The following PCDH15 variants were observed in gnomAD, a reference collection of about 807,000 sequenced individuals.
The protein encoded by PCDH15 is protocadherin related 15.
PCDH15 carries 129 observed loss-of-function variants against 178.5 expected under a neutral mutation model. That is an observed-to-expected ratio of 0.72 (90% CI 0.63 to 0.84). The LOEUF (loss-of-function observed/expected upper bound fraction) is 0.84. Ranked by LOEUF, PCDH15 falls within the 40% of genes least tolerant of loss-of-function variation. The probability of loss-of-function intolerance (pLI) is 0.00; values close to 1 mark genes in which losing one functional copy is unlikely to be tolerated. For synonymous variants in PCDH15, 800 were observed against 732.0 expected (o/e 1.09, Z -1.50); for missense variants, 2,230 against 2,099.9 (o/e 1.06, Z -1.21).
rs114076646 is a variant in PCDH15, at chr10:54,591,187, T to C, written c.92-63310A>G. 9.6e-3 allele frequency among the ~76,000 whole-genome samples: 1,459 copies of C among 152,190 alleles called. 29 individuals are homozygous for C. The East Asian group carries it at 0.096, about 10-fold the overall frequency. On this transcript the variant is annotated intron_variant, in intron 2 of 37. Coordinates refer to ENST00000644397, the MANE Select transcript of PCDH15 (RefSeq NM_001384140.1). Reference sequence around the variant, plus strand: ...GTCCATTACCTAATTCCAAGAGCCTTGGAATATGTTACCTTACCTGGTAAA... The same window carrying C: ...GTCCATTACCTAATTCCAAGAGCCTCGGAATATGTTACCTTACCTGGTAAA...
At chr10:55,294,751 T>C (rs912283125) in intron 1 of PCDH15, among the ~76,000 whole-genome samples, 1 of 152,178 alleles carries the variant, frequency 6.6e-6, no homozygotes, top group Non-Finnish European at 1.5e-5. Context: ...AACTCAGGAA[T>C]TGCTCACTCT....
At chr10:53,817,752 G>A (rs1271954373) in intron 34 of PCDH15, among the ~76,000 whole-genome samples, 4 of 151,858 alleles carry the variant, frequency 2.6e-5, no homozygotes, top group Non-Finnish European at 5.9e-5. Context: ...TAGTAATGCA[G>A]AACAAAATAC....
chr10:54,867,690 G>A (rs187717057), intron 3 of PCDH15, among the ~76,000 whole-genome samples: 17 of 151,890 alleles, frequency 1.1e-4, no homozygotes, highest in Non-Finnish European at 7.4e-5. Flanking sequence ...TTACAATATT[G>A]CAATTAATTC....
intron 25 of PCDH15, among the ~76,000 whole-genome samples, chr10:53,912,094 C>T (rs2083142436): frequency 6.6e-6 from 1 of 152,114 alleles, no homozygotes; most frequent in Non-Finnish European, 1.5e-5. Flanking sequence ...AAAGCTTATC[C>T]ACCACGATCA....
At chr10:55,224,189 G>GA (rs1243018361) in intron 1 of PCDH15, among the ~76,000 whole-genome samples, 1 of 152,022 alleles carries the variant, frequency 6.6e-6, no homozygotes, top group Admixed American at 6.6e-5. Context: ...AACAGAGTGA[G>GA]AGCTTGTCTC....
chr10:54,665,477 T>A (rs1467953037), intron 1 of PCDH15, among the ~76,000 whole-genome samples: 1 of 152,102 alleles, frequency 6.6e-6, no homozygotes, highest in Non-Finnish European at 1.5e-5. Context: ...ATAAGGTTTA[T>A]CAGAGGGTAC....
chr10:54,897,989 T>C (rs190582190), intron 2 of PCDH15, among the ~76,000 whole-genome samples: 14 of 152,324 alleles, frequency 9.2e-5, no homozygotes, highest in African/African-American at 3.4e-4. Context: ...AAATCTCATG[T>C]TGAGACGTAA....
At chr10:54,730,294 A>G (rs576132258) in intron 1 of PCDH15, among the ~76,000 whole-genome samples, 200 of 151,822 alleles carry the variant, frequency 1.3e-3, no homozygotes, top group African/African-American at 4.7e-3. Context: ...AAATTAATGC[A>G]GAAACAGAAA....
intron 1 of PCDH15, among the ~76,000 whole-genome samples, chr10:54,683,522 T>C (rs184579795): frequency 3.1e-4 from 47 of 152,256 alleles, no homozygotes; most frequent in African/African-American, 1.1e-3. Flanking sequence ...CTACAATTAT[T>C]GAGCATCACC....
In PCDH15 at chr10:55,346,915, G is replaced by A. The variant is rs78049964; in HGVS notation, c.-155-180264C>T. 5.3e-3 allele frequency among the ~76,000 whole-genome samples: 809 copies of A among 151,826 alleles called. 7 individuals are homozygous for A. Among genetic ancestry groups the A allele is most frequent in the African/African-American group, 0.017 (719 of 41,420 alleles). ...AGTACAGGTTACTATAAATTAGGAGGGTAAAAAGATTAAAGTGAGTTGGGC... is the reference window on the plus strand; with the variant it reads ...AGTACAGGTTACTATAAATTAGGAGAGTAAAAAGATTAAAGTGAGTTGGGC... On this transcript the variant is annotated intron_variant, in intron 2 of 5. Transcript: ENST00000613346.
At chr10:54,083,233 T>C (rs780452755) in intron 16 of PCDH15, among the ~76,000 whole-genome samples, 1 of 152,226 alleles carries the variant, frequency 6.6e-6, no homozygotes, top group Non-Finnish European at 1.5e-5. Flanking sequence ...GTTCCTCAAA[T>C]GGTTAAAAAC....
intron 5 of PCDH15, among the ~76,000 whole-genome samples, chr10:54,360,711 AT>A (rs1945885636): frequency 6.6e-6 from 1 of 152,116 alleles, no homozygotes; most frequent in East Asian, 1.9e-4. Context: ...TCATCATCCT[AT>A]CATTCTATTC....
chr10:55,121,793 T>A (rs973604114), intron 2 of PCDH15, among the ~76,000 whole-genome samples: 7 of 151,930 alleles, frequency 4.6e-5, no homozygotes, highest in Non-Finnish European at 1.0e-4. Context: ...ACAACTTTCA[T>A]CCCCTCCAGA....
chr10:55,280,673 T>C (rs901870838), intron 1 of PCDH15, among the ~76,000 whole-genome samples: 1 of 152,088 alleles, frequency 6.6e-6, no homozygotes, highest in Non-Finnish European at 1.5e-5. Context: ...ATGATGATGT[T>C]CTATTTTTAC....
intron 9 of PCDH15, among the ~76,000 whole-genome samples, chr10:54,226,436 A>G (rs1463721744): frequency 6.6e-6 from 1 of 152,172 alleles, no homozygotes; most frequent in East Asian, 1.9e-4. Flanking sequence ...ATGGTGGCTC[A>G]TGCCTATAAT....
At chr10:54,393,141 A>G (rs540537172) in intron 3 of PCDH15, among the ~76,000 whole-genome samples, 1 of 152,292 alleles carries the variant, frequency 6.6e-6, no homozygotes, top group East Asian at 1.9e-4. Flanking sequence ...TATTAATAAA[A>G]TCAGCCTTAC....
At chr10:54,327,111 A>T (rs563866123) in intron 7 of PCDH15, among the ~76,000 whole-genome samples, 29 of 152,110 alleles carry the variant, frequency 1.9e-4, no homozygotes, top group African/African-American at 6.7e-4. Flanking sequence ...ATGTCTTTAT[A>T]AATATTTTAA....
chr10:55,349,572 A>T (rs944691752), intron 2 of PCDH15, among the ~76,000 whole-genome samples: 1 of 152,146 alleles, frequency 6.6e-6, no homozygotes, highest in African/African-American at 2.4e-5. Context: ...TTCTCACAGC[A>T]CATAACATAT....
intron 18 of PCDH15, among the ~76,000 whole-genome samples, chr10:54,049,186 C>T (rs2093715698): frequency 2.0e-5 from 3 of 152,064 alleles, no homozygotes; most frequent in Admixed American, 2.0e-4. Flanking sequence ...GTTATTTGTG[C>T]ATAAAAATGC....
Sources: gnomAD v4.1 joint callset for allele counts (sites outside exome capture counted in the v4.1 genomes callset) on GRCh38, gnomAD v4.1.1 for gene constraint, MANE v1.5 for transcripts, NCBI Gene and HGNC (gene_info 2026-07-23, HGNC 2026-07-21) for gene names.